CCDC192: variants seen among roughly 807,000 people sequenced by gnomAD.
CCDC192 encodes the protein coiled-coil domain-containing protein 192.
At chr5:127,832,203 T>C (rs1471823845) in intron 5 of CCDC192, among the ~76,000 whole-genome samples, 1 of 152,176 alleles carries the variant, frequency 6.6e-6, no homozygotes, top group East Asian at 1.9e-4. Context: ...TGAGGTACAA[T>C]TTCACACTCA....
intron 2 of CCDC192, among the ~76,000 whole-genome samples, chr5:127,733,191 G>A (rs1434091853): frequency 6.6e-6 from 1 of 152,088 alleles, no homozygotes; most frequent in African/African-American, 2.4e-5. Flanking sequence ...AGGCTAGGAG[G>A]TATATTCACA....
At chr5:127,855,000 G>A (rs921148076) in intron 5 of CCDC192, among the ~76,000 whole-genome samples, 17 of 152,060 alleles carry the variant, frequency 1.1e-4, no homozygotes, top group African/African-American at 3.4e-4. Flanking sequence ...AAAATAATTT[G>A]TTGCTAAAAA....
intron 6 of CCDC192, among the ~76,000 whole-genome samples, chr5:127,914,273 A>G (rs2127180497): frequency 6.6e-6 from 1 of 152,284 alleles, no homozygotes; most frequent in South Asian, 2.1e-4. Flanking sequence ...AATTTCTTCT[A>G]TACTGTCTGC....
chr5:127,926,986 C>A (rs1412732245), intron 6 of CCDC192, among the ~76,000 whole-genome samples: 1 of 152,044 alleles, frequency 6.6e-6, no homozygotes. Context: ...GTCAACAGGG[C>A]AAATGTTTAG....
intron 5 of CCDC192, among the ~76,000 whole-genome samples, chr5:127,856,425 C>T (rs1751100285): frequency 1.3e-5 from 2 of 152,212 alleles, no homozygotes. Context: ...CTAGACTACT[C>T]ACATTTTCTC....
intron 6 of CCDC192, among the ~76,000 whole-genome samples, chr5:127,899,821 G>C (rs1225737949): frequency 6.6e-6 from 1 of 152,188 alleles, no homozygotes; most frequent in Non-Finnish European, 1.5e-5. Flanking sequence ...TGAATGTACA[G>C]CTGTCCCATA....
intron 6 of CCDC192, among the ~76,000 whole-genome samples, chr5:127,919,069 ATATATGTG>A (rs1463665454): frequency 7.6e-6 from 1 of 131,332 alleles, no homozygotes; most frequent in South Asian, 2.4e-4. Context: ...GTGTGTGTGT[ATATATGTG>A]TGTGTGTGTG....
chr5:127,866,831 A>T (rs1481270379), intron 5 of CCDC192, among the ~76,000 whole-genome samples: 2 of 152,286 alleles, frequency 1.3e-5, no homozygotes, highest in South Asian at 2.1e-4. Flanking sequence ...TTTTTAAAAA[A>T]ATATTGTATT....
intron 2 of CCDC192, among the ~76,000 whole-genome samples, chr5:127,727,520 A>G (rs976569781): frequency 2.6e-5 from 4 of 152,008 alleles, no homozygotes; most frequent in Admixed American, 2.6e-4. Context: ...ACAAACAGAA[A>G]ACAACAGCGT....
intron 2 of CCDC192, among the ~76,000 whole-genome samples, chr5:127,728,826 G>A (rs571946657): frequency 6.6e-4 from 100 of 152,282 alleles, no homozygotes; most frequent in African/African-American, 2.3e-3. Flanking sequence ...GACACACATA[G>A]GCTCAAAATA....
At chr5:127,838,028 C>T (rs1270006993) in intron 5 of CCDC192, among the ~76,000 whole-genome samples, 1 of 152,174 alleles carries the variant, frequency 6.6e-6, no homozygotes, top group Non-Finnish European at 1.5e-5. Flanking sequence ...GATTCCATAA[C>T]ATAGATTCTG....
chr5:127,845,430 A>T (rs1301650227), intron 5 of CCDC192, among the ~76,000 whole-genome samples: 1 of 152,192 alleles, frequency 6.6e-6, no homozygotes, highest in African/African-American at 2.4e-5. Context: ...AATAGTACTG[A>T]GGAGAGAGTT....
chr5:127,784,374 G>A (rs1044144205), intron 3 of CCDC192, among the ~76,000 whole-genome samples: 1 of 152,098 alleles, frequency 6.6e-6, no homozygotes, highest in Non-Finnish European at 1.5e-5. Flanking sequence ...TGGGAGGTTC[G>A]GTCTTCTCTG....
intron 6 of CCDC192, among the ~76,000 whole-genome samples, chr5:127,913,041 G>T (rs1337880509): frequency 6.6e-6 from 1 of 152,112 alleles, no homozygotes; most frequent in East Asian, 1.9e-4. Context: ...GAAATGTTCT[G>T]GTTTATATGT....
rs147117305 is a variant in CCDC192 at position 127,916,476 on chromosome 5, A to G, written c.536-24706A>G. Among the ~76,000 whole-genome samples, 115 of 152,378 alleles carry G rather than the reference A, an allele frequency of 7.5e-4. 1 individual carries two copies. The East Asian group carries it at 0.018, about 25-fold the overall frequency. The stretch of plus-strand genomic sequence containing the variant: ...TCAATTTACTTTGCCCAGATCTATC[A>G]GAAGAATCATTATTATGAAAGTTAT... On this transcript the variant is annotated intron_variant, in intron 6 of 6. Transcript: ENST00000514853.
intron 6 of CCDC192, among the ~76,000 whole-genome samples, chr5:127,906,584 A>G (rs771621242): frequency 1.3e-5 from 2 of 152,056 alleles, no homozygotes; most frequent in Non-Finnish European, 2.9e-5. Flanking sequence ...CCATGAGTTC[A>G]AGACCAGCCT....
At chr5:127,776,948 C>T (rs1755899980) in intron 3 of CCDC192, among the ~76,000 whole-genome samples, 1 of 152,252 alleles carries the variant, frequency 6.6e-6, no homozygotes, top group African/African-American at 2.4e-5. Flanking sequence ...GCTGCAGGGG[C>T]AGTGCCCTCA....
At chr5:127,850,160 C>T (rs1388679398) in intron 5 of CCDC192, among the ~76,000 whole-genome samples, 2 of 152,094 alleles carry the variant, frequency 1.3e-5, no homozygotes, top group African/African-American at 4.8e-5. Context: ...ACACTTAATC[C>T]CCTTATCTCT....
chr5:127,786,989 T>G, intron 3 of CCDC192: 3 of 365,078 alleles, frequency 8.2e-6, no homozygotes, highest in Non-Finnish European at 1.6e-5. Flanking sequence ...CCAGATCTGG[T>G]CTAAGCCAAT....
Sources: allele counts gnomAD v4.1 joint callset (sites outside exome capture counted in the v4.1 genomes callset), GRCh38; gene constraint gnomAD v4.1.1; transcripts MANE v1.5; gene names NCBI Gene and HGNC (gene_info 2026-07-23, HGNC 2026-07-21).